Variants in SLC39A11 observed in about 807,000 individuals in gnomAD.
SLC39A11 encodes the protein zinc transporter ZIP11.
In SLC39A11, 33 loss-of-function variants were observed where a neutral mutation model predicts 36.1. The ratio of observed to expected loss-of-function variants is 0.91; its 90% CI spans 0.69 to 1.22. The LOEUF is 1.22. Ranked by LOEUF, SLC39A11 falls within the 50% of genes most tolerant of loss-of-function variation. The pLI is 0.00. For missense variants in SLC39A11, 432 were observed against 430.3 expected (o/e 1.00, Z -0.03); for synonymous variants, 166 against 170.3 (o/e 0.97, Z 0.20).
At chr17:72,998,726 G>A (rs1231670850) in intron 4 of SLC39A11, among the ~76,000 whole-genome samples, 2 of 152,298 alleles carry the variant, frequency 1.3e-5, no homozygotes, top group Non-Finnish European at 2.9e-5. Context: ...CAGCTGCTTT[G>A]GGGTACACCT....
intron 6 of SLC39A11, among the ~76,000 whole-genome samples, chr17:72,739,674 G>A (rs993476321): frequency 1.3e-5 from 2 of 152,176 alleles, no homozygotes; most frequent in African/African-American, 4.8e-5. Context: ...CACCTTAGCA[G>A]CCCACAGAGA....
chr17:72,832,159 G>A (rs1390820526), intron 6 of SLC39A11, among the ~76,000 whole-genome samples: 1 of 152,180 alleles, frequency 6.6e-6, no homozygotes, highest in South Asian at 2.1e-4. Flanking sequence ...AGGATGAGCC[G>A]TGAATGAGGA....
intron 7 of SLC39A11, among the ~76,000 whole-genome samples, chr17:72,705,388 A>ACGT (rs2072847621): frequency 6.6e-6 from 1 of 152,176 alleles, no homozygotes; most frequent in Non-Finnish European, 1.5e-5. Context: ...AGTACAGCTG[A>ACGT]TTGCAACTAT....
chr17:73,065,034 G>C (rs1282278323), intron 3 of SLC39A11, among the ~76,000 whole-genome samples: 1 of 152,054 alleles, frequency 6.6e-6, no homozygotes, highest in Non-Finnish European at 1.5e-5. Context: ...TTTATAAAAT[G>C]AGACAGAGTC....
At chr17:72,750,094 T>C (rs1449528875) in intron 6 of SLC39A11, among the ~76,000 whole-genome samples, 1 of 152,074 alleles carries the variant, frequency 6.6e-6, no homozygotes, top group African/African-American at 2.4e-5. Flanking sequence ...AGGAATCAGG[T>C]GAACCTCTGC....
intron 5 of SLC39A11, among the ~76,000 whole-genome samples, chr17:72,903,556 G>A (rs2082501589): frequency 6.6e-6 from 1 of 152,158 alleles, no homozygotes; most frequent in African/African-American, 2.4e-5. Flanking sequence ...TGTGACCGTA[G>A]AGGCCCCAGC....
chr17:72,795,986 T>C (rs193297520), intron 6 of SLC39A11, among the ~76,000 whole-genome samples: 5 of 152,216 alleles, frequency 3.3e-5, no homozygotes, highest in East Asian at 1.9e-4. Context: ...AGAAATAGTA[T>C]ATAGAAAATG....
chr17:72,952,083 A>G (rs1056044923), intron 4 of SLC39A11, among the ~76,000 whole-genome samples: 4 of 151,976 alleles, frequency 2.6e-5, no homozygotes, highest in African/African-American at 9.7e-5. Flanking sequence ...CGCTTCCCCC[A>G]TGTGCTCCCT....
chr17:72,684,599 C>A (rs949759618), intron 7 of SLC39A11, among the ~76,000 whole-genome samples: 1 of 152,210 alleles, frequency 6.6e-6, no homozygotes, highest in Non-Finnish European at 1.5e-5. Context: ...GACCTTAACA[C>A]TGTCCCCAAA....
chr17:72,780,002 C>T (rs1294311608), intron 6 of SLC39A11, among the ~76,000 whole-genome samples: 8 of 152,212 alleles, frequency 5.3e-5, no homozygotes, highest in African/African-American at 1.9e-4. Flanking sequence ...TGGAGGCCCA[C>T]ATATAAGGCC....
intron 7 of SLC39A11, among the ~76,000 whole-genome samples, chr17:72,675,498 T>C (rs2071217336): frequency 6.6e-6 from 1 of 152,224 alleles, no homozygotes; most frequent in South Asian, 2.1e-4. Context: ...GTAGCAACAG[T>C]CAACATAATC....
chr17:72,952,087 GCTCC>G (rs964965543), intron 4 of SLC39A11, among the ~76,000 whole-genome samples: 5 of 152,048 alleles, frequency 3.3e-5, no homozygotes. Context: ...TCCCCCATGT[GCTCC>G]CTCCAACATT....
rs571193484 is a variant in SLC39A11, at chr17:73,033,489, G to A, written c.148-1775C>T. Among the ~76,000 whole-genome samples, 4 of 152,358 alleles carry A rather than the reference G, an allele frequency of 2.6e-5. No individual in the cohort carries two copies. In the South Asian group the frequency reaches 8.3e-4, roughly 32 times the overall value. The stretch of plus-strand genomic sequence containing the variant: ...TAGTTGCTGGAGATGAGCTGGCGCA[G>A]TGGTGCATGACTGTAGTCCTAGCTA... On this transcript the variant is annotated intron_variant, in intron 3 of 9. Coordinates refer to ENST00000255559, the MANE Select transcript of SLC39A11 (RefSeq NM_139177.4).
At chr17:72,665,403 T>TGTTTTG (rs71152201) in intron 7 of SLC39A11, among the ~76,000 whole-genome samples, 1,529 of 138,084 alleles carry the variant, frequency 0.011, 44 homozygotes, top group Admixed American at 0.018. Context: ...TTTTTTTTTT[T>TGTTTTG]TTTTTTTGAG....
intron 6 of SLC39A11, among the ~76,000 whole-genome samples, chr17:72,762,331 A>G (rs2075615742): frequency 6.6e-6 from 1 of 152,248 alleles, no homozygotes; most frequent in Non-Finnish European, 1.5e-5. Context: ...ACTGCTTATT[A>G]TATGCTAATT....
chr17:72,813,721 C>T (rs964349074), intron 6 of SLC39A11, among the ~76,000 whole-genome samples: 1 of 152,190 alleles, frequency 6.6e-6, no homozygotes, highest in Admixed American at 6.5e-5. Context: ...AAGCAATGAG[C>T]TTTTTAGCAG....
intron 6 of SLC39A11, among the ~76,000 whole-genome samples, chr17:72,797,835 C>T (rs2076944293): frequency 6.6e-6 from 1 of 152,122 alleles, no homozygotes; most frequent in African/African-American, 2.4e-5. Context: ...GGGGATGCTT[C>T]GTGCTGGGGG....
chr17:72,673,097 T>TTTG (rs751196565), intron 7 of SLC39A11, among the ~76,000 whole-genome samples: 8 of 151,966 alleles, frequency 5.3e-5, no homozygotes, highest in Admixed American at 2.0e-4. Context: ...TTTCTCTCTT[T>TTTG]TTGTTGTTGT....
rs778407300 is a variant in SLC39A11 at position 72,955,744 on chromosome 17, CAG to C, written c.307-7871_307-7870del. On this transcript the variant is annotated intron_variant, in intron 4 of 9. Coordinates refer to ENST00000255559, the MANE Select transcript of SLC39A11 (RefSeq NM_139177.4). ...TAATTTATCTGAACGAACTAAATGACAGAGGCTCCAAAATAAGAGGGAAATGT... is the reference window on the plus strand; with the variant it reads ...TAATTTATCTGAACGAACTAAATGACAGGCTCCAAAATAAGAGGGAAATGT... Among the ~76,000 whole-genome samples, 105 of 152,154 alleles carry C rather than the reference CAG, an allele frequency of 6.9e-4. 2 individuals carry two copies. The highest frequency in any genetic ancestry group is 6.2e-4 in the South Asian group (3 of 4,824).
Sources: allele counts gnomAD v4.1 joint callset (sites outside exome capture counted in the v4.1 genomes callset), GRCh38; gene constraint gnomAD v4.1.1; transcripts MANE v1.5; gene names NCBI Gene and HGNC (gene_info 2026-07-23, HGNC 2026-07-21).